PRAMEF11: variants seen among roughly 807,000 people sequenced by gnomAD.
PRAMEF11 encodes PRAME family member 11.
A neutral mutation model predicts 33.6 loss-of-function variants in PRAMEF11; 17 were observed. The observed-to-expected ratio is 0.51, with a 90% CI of 0.35 to 0.76. PRAMEF11 has a LOEUF of 0.76. Ranked by LOEUF, PRAMEF11 falls within the 30% of genes least tolerant of loss-of-function variation. The pLI, the probability that PRAMEF11 is intolerant of heterozygous loss-of-function variation, is 0.01. For missense variants in PRAMEF11, 568 were observed against 567.0 expected, an observed-to-expected ratio of 1.00 and a Z score of -0.02; for synonymous variants, 205 against 227.3, an observed-to-expected ratio of 0.90 and a Z score of 0.88.
rs543126167 is a variant in PRAMEF11, at chr1:12,827,407, G to A, written c.717C>T (p.Leu239=). Reference sequence around the variant, plus strand: ...GAGAGACATCCATGTGGGAGAGAACGAGCTTCTGAAGATTCCTCAAGTGGC... The same window carrying A: ...GAGAGACATCCATGTGGGAGAGAACAAGCTTCTGAAGATTCCTCAAGTGGC... ...YLGHLRNLQK[L]VLSHMDVSRY... The change falls in exon 3 of 4, where the codon CTC becomes CTT. Residue 239 remains leucine (L), a synonymous_variant. Coordinates refer to ENST00000619922, the MANE Select transcript of PRAMEF11 (RefSeq NM_001146344.3). 71 of 1,606,330 alleles carry A rather than the reference G, an allele frequency of 4.4e-5. No homozygotes were observed. In the African/African-American group the frequency reaches 6.6e-4, roughly 15 times the overall value.
Position 12,828,145 on chromosome 1 carries a change from C to T in PRAMEF11, c.294-315G>A, listed in dbSNP as rs143314019. ...GGATTACAGGAACCCACCACCATGCCCAGCTAATTTTAGTATTTTTAGTAG... is the reference window on the plus strand; with the variant it reads ...GGATTACAGGAACCCACCACCATGCTCAGCTAATTTTAGTATTTTTAGTAG... On this transcript the variant is annotated intron_variant, in intron 2 of 3. Transcript: ENST00000619922. Among the ~76,000 whole-genome samples the T allele has an allele frequency of 3.4e-5, 5 of 148,686 alleles. 1 individual carries two copies. Among genetic ancestry groups the T allele is most frequent in the Non-Finnish European group, 7.4e-5 (5 of 67,220 alleles).
At chr1:12,827,999 T>G (rs1196140813) in intron 2 of PRAMEF11, among the ~76,000 whole-genome samples, 169 bp from the exon 3 acceptor site, 1 of 149,664 alleles carries the variant, frequency 6.7e-6, no homozygotes, top group Non-Finnish European at 1.5e-5. Context: ...TTTTGTTTTT[T>G]TTTTGAGACC....
chr1:12,828,128 G>T (rs960033526), intron 2 of PRAMEF11, among the ~76,000 whole-genome samples: 2 of 149,790 alleles, frequency 1.3e-5, no homozygotes, highest in African/African-American at 4.9e-5. Flanking sequence ...TGGGATTACA[G>T]GAACCCACCA....
At chr1:12,830,999 CA>C (rs34338341) in intron 1 of PRAMEF11, among the ~76,000 whole-genome samples, 127,503 of 132,334 alleles carry the variant, frequency 0.96, 61,505 homozygotes, top group South Asian at 0.99. Flanking sequence ...TCCCCACCCT[CA>C]AAAAAAAAAA....
chr1:12,824,927 C>G lies in PRAMEF11; in HGVS notation c.*15G>C, dbSNP rs1376849853. The G allele has an allele frequency of 6.2e-7, 1 of 1,608,240 alleles. No individual in the cohort carries two copies. Among genetic ancestry groups the G allele is most frequent in the African/African-American group, 1.3e-5 (1 of 74,416 alleles). Reference sequence around the variant, plus strand: ...GAAGAAAGCGTTTGACATACCCATCCAAATAGGCAGGCATTCAACAGCAGT... The same window carrying G: ...GAAGAAAGCGTTTGACATACCCATCGAAATAGGCAGGCATTCAACAGCAGT... On this transcript the variant is annotated 3_prime_UTR_variant, in exon 4 of 4. Coordinates refer to ENST00000619922, the MANE Select transcript of PRAMEF11 (RefSeq NM_001146344.3).
chr1:12,828,838 A>T (rs752706734), intron 1 of PRAMEF11, 33 bp from the exon 2 acceptor site: 32 of 1,605,816 alleles, frequency 2.0e-5, no homozygotes, highest in African/African-American at 9.4e-5. Flanking sequence ...AAAAGGCATC[A>T]CTCTCAGGCC....
At position 12,825,044 on chromosome 1, in the gene PRAMEF11, C is replaced by T. The variant is rs1398067073; in HGVS notation, c.1335G>A (p.Arg445=). The change falls in exon 4 of 4, where the codon AGG becomes AGA. Residue 445 remains arginine, a synonymous_variant. Transcript: ENST00000619922. ...QIRAELMKKV[R]HLRHPKRILF... The stretch of plus-strand genomic sequence containing the variant: ...AGATCCTCTTGGGGTGCCTTAAGTG[C>T]CTCACTTTCTTCATCAGCTCAGCCC... 3.1e-6 allele frequency: 5 copies of T among 1,609,752 alleles called. No homozygotes were observed. The highest frequency in any genetic ancestry group is 1.7e-5 in the Admixed American group (1 of 59,624).
intron 1 of PRAMEF11, among the ~76,000 whole-genome samples, chr1:12,830,255 C>G (rs1176609529): frequency 6.6e-6 from 1 of 151,270 alleles, no homozygotes; most frequent in Non-Finnish European, 1.5e-5. Context: ...CAGTAGAAAT[C>G]TTCATATATC....
In PRAMEF11 at chr1:12,824,964, T is replaced by C. The variant is rs766787807; in HGVS notation, c.1415A>G (p.Glu472Gly). 2 of 1,609,346 alleles carry C rather than the reference T, an allele frequency of 1.2e-6. No homozygotes were observed. Among genetic ancestry groups the C allele is most frequent in the African/African-American group, 2.7e-5 (2 of 74,554 alleles). ...CATTCAACAGCAGTATTGATCTGCC[T>C]CCAGGTCATAAAATGACCTGTCGCC... is the stretch of plus-strand genomic sequence containing the variant. ...DHGDRSFYDLEADQYCC is the reference protein window; with the variant it reads ...DHGDRSFYDLGADQYCC Residue 472 changes from glutamate (E) to glycine (G), a missense_variant, in exon 4 of 4, where the codon GAG becomes GGG. Transcript: ENST00000619922.
At chr1:12,830,532 T>C (rs1639983611) in intron 1 of PRAMEF11, among the ~76,000 whole-genome samples, 1 of 151,158 alleles carries the variant, frequency 6.6e-6, no homozygotes, top group Non-Finnish European at 1.5e-5. Context: ...GTTTTTGTTT[T>C]TTGGACAGGG....
rs1316576311 is a variant in PRAMEF11, at chr1:12,825,114, T to C, written c.1265A>G (p.Tyr422Cys). The change falls in exon 4 of 4, where the codon TAT becomes TGT. Residue 422 changes from tyrosine to cysteine, a missense_variant. Around this residue, in one of 3 missense-constraint regions of PRAMEF11, gnomAD observed 174 missense variants for 127.2 expected, o/e 1.37. Coordinates refer to ENST00000619922, the MANE Select transcript of PRAMEF11 (RefSeq NM_001146344.3). Reference sequence around the variant, plus strand: ...CCAGCAGAGAGTACCATCAGCACCATAACTTTCCTGCGGGGCAGGATACAG... The same window carrying C: ...CCAGCAGAGAGTACCATCAGCACCACAACTTTCCTGCGGGGCAGGATACAG... ...LELYPAPQES[Y>C]GADGTLCWSR... 5.0e-6 allele frequency: 8 copies of C among 1,609,662 alleles called. 1 individual carries two copies. Among genetic ancestry groups the C allele is most frequent in the East Asian group, 4.5e-5 (2 of 44,388 alleles).
chr1:12,826,204 CACCTGTATCATCAGCAA>C (rs1639861460), intron 3 of PRAMEF11, among the ~76,000 whole-genome samples: 2 of 151,128 alleles, frequency 1.3e-5, no homozygotes, highest in Non-Finnish European at 3.0e-5. Context: ...GTCCCTGACA[CACCTGTATCATCAGCAA>C]ACCATCTATC....
intron 3 of PRAMEF11, among the ~76,000 whole-genome samples, 160 bp from the exon 4 acceptor site, chr1:12,825,663 G>C (rs1482269789): frequency 7.0e-6 from 1 of 143,224 alleles, no homozygotes; most frequent in Non-Finnish European, 1.5e-5. Context: ...GTGATGAAGA[G>C]CTTTGCCACC....
chr1:12,828,175 G>T (rs1639916672), intron 2 of PRAMEF11, among the ~76,000 whole-genome samples: 1 of 147,018 alleles, frequency 6.8e-6, no homozygotes, highest in South Asian at 2.2e-4. Context: ...TAGTAGAGTT[G>T]GGGTTTACCA....
chr1:12,825,085 T>C lies in PRAMEF11; in HGVS notation c.1294A>G (p.Arg432Gly). ...AGCTCAGCCCTAATTTGAGCAAATC[T>C]GCTCCAGCAGAGAGTACCATCAGCA... ...YGADGTLCWS[R>G]FAQIRAELMK... The change falls in exon 4 of 4, where the codon AGA becomes GGA. Residue 432 changes from arginine (R) to glycine (G), a missense_variant. Arg to Gly is a moderately radical substitution (Grantham distance 125, BLOSUM62 -2). Coordinates refer to ENST00000619922, the MANE Select transcript of PRAMEF11 (RefSeq NM_001146344.3). The C allele has an allele frequency of 6.2e-7, 1 of 1,609,784 alleles. No individual in the cohort carries two copies. Among genetic ancestry groups the C allele is most frequent in the Non-Finnish European group, 8.5e-7 (1 of 1,177,766 alleles).
Position 12,831,408 on chromosome 1 carries a change from G to A in PRAMEF11, c.-69C>T, listed in dbSNP as rs560301129. 4 of 151,084 alleles carry A rather than the reference G, an allele frequency of 2.6e-5. No homozygotes were observed. The highest frequency in any genetic ancestry group is 1.3e-4 in the Admixed American group (2 of 15,080). The allele number at this position is 151,084 out of a possible 1,614,324, so 9.4% of individuals were successfully genotyped here. ...TCAGACCTCAGGAAGAACCAAGCAG[G>A]AACTCCAGGCTTGAAGACTTTGGGT... On this transcript the variant is annotated 5_prime_UTR_variant, in exon 1 of 4. Coordinates refer to ENST00000619922, the MANE Select transcript of PRAMEF11 (RefSeq NM_001146344.3).
At chr1:12,826,162 G>A (rs1639860264) in intron 3 of PRAMEF11, among the ~76,000 whole-genome samples, 1 of 150,958 alleles carries the variant, frequency 6.6e-6, no homozygotes, top group South Asian at 2.1e-4. Context: ...ACAGGATCCT[G>A]CAACATCAGC....
Position 12,829,340 on chromosome 1 carries a change from C to CTTCT in PRAMEF11, c.-16-539_-16-536dup, listed in dbSNP as rs1311251719. Among the ~76,000 whole-genome samples, 2 of 147,994 alleles carry CTTCT rather than the reference C, an allele frequency of 1.4e-5. 1 individual carries two copies. The highest frequency in any genetic ancestry group is 3.0e-5 in the Non-Finnish European group (2 of 66,958). ...TTTCTTTCTTTCCTCCTCTCTCTCC[C>CTTCT]TTCTTTCTTTCTTGTCTTCTTTCCC... On this transcript the variant is annotated intron_variant, in intron 1 of 3. Transcript: ENST00000619922.
intron 2 of PRAMEF11, 83 bp from the exon 3 acceptor site, chr1:12,827,913 C>T (rs1163499921): frequency 6.3e-7 from 1 of 1,588,612 alleles, no homozygotes; most frequent in Non-Finnish European, 8.5e-7. Context: ...CAGCTCCTCC[C>T]CTCCCTGCTT....
Sources: gnomAD v4.1 joint callset for allele counts (sites outside exome capture counted in the v4.1 genomes callset) on GRCh38, gnomAD v4.1.1 for gene constraint, gnomAD v4.1.1 regional missense constraint, MANE v1.5 for transcripts, NCBI Gene and HGNC (gene_info 2026-07-23, HGNC 2026-07-21) for gene names.